CPNE8: variants seen among roughly 807,000 people sequenced by gnomAD.
The protein encoded by CPNE8 is copine-8.
A neutral mutation model predicts 81.5 loss-of-function variants in CPNE8; 45 were observed. The ratio of observed to expected loss-of-function variants is 0.55; its 90% CI spans 0.44 to 0.71. CPNE8 has a LOEUF of 0.71. Ranked by LOEUF, CPNE8 falls within the 30% of genes least tolerant of loss-of-function variation. The pLI, the probability that CPNE8 is intolerant of heterozygous loss-of-function variation, is 0.00. For missense variants in CPNE8, 594 were observed against 672.1 expected, an observed-to-expected ratio of 0.88 and a Z score of 1.28; for synonymous variants, 252 against 226.3, an observed-to-expected ratio of 1.11 and a Z score of -1.02.
At chr12:38,880,878 G>A (rs963823761) in intron 1 of CPNE8, among the ~76,000 whole-genome samples, 6 of 151,896 alleles carry the variant, frequency 4.0e-5, no homozygotes, top group African/African-American at 1.5e-4. Context: ...TATAGCAAGG[G>A]GAGCCAAACT....
intron 16 of CPNE8, chr12:38,679,694 T>G: frequency 1.0e-6 from 1 of 985,074 alleles, no homozygotes; most frequent in Non-Finnish European, 1.2e-6. Context: ...GTTGGCACAT[T>G]GTTGCACTTT....
At chr12:38,712,714 A>G (rs528681255) in intron 13 of CPNE8, among the ~76,000 whole-genome samples, 1 of 152,180 alleles carries the variant, frequency 6.6e-6, no homozygotes, top group Non-Finnish European at 1.5e-5. Flanking sequence ...TAGCTCTTTA[A>G]AAATTTTTTT....
At chr12:38,714,943 A>T (rs1940349576) in intron 13 of CPNE8, among the ~76,000 whole-genome samples, 1 of 152,120 alleles carries the variant, frequency 6.6e-6, no homozygotes, top group Non-Finnish European at 1.5e-5. Flanking sequence ...GTTCCTTTGA[A>T]GGAAAAGATA....
At chr12:38,877,855 C>A (rs1221253024) in intron 1 of CPNE8, among the ~76,000 whole-genome samples, 2 of 152,138 alleles carry the variant, frequency 1.3e-5, no homozygotes, top group Non-Finnish European at 2.9e-5. Flanking sequence ...AAGGCTGAGA[C>A]CTGCTAGGCT....
In CPNE8 at chr12:38,686,353, G is replaced by A. The variant is rs370432861; in HGVS notation, c.1144-736C>T. On this transcript the variant is annotated intron_variant, in intron 15 of 19. Coordinates refer to ENST00000331366, the MANE Select transcript of CPNE8 (RefSeq NM_153634.3). ...TTATTCTGGGAACAGCGCCCAGAAA[G>A]GCAACTTTAACCCAAGCTCTTATTC... Among the ~76,000 whole-genome samples the A allele has an allele frequency of 2.0e-5, 3 of 152,160 alleles. No individual in the cohort carries two copies. In the South Asian group the frequency reaches 6.2e-4, roughly 32 times the overall value.
intron 6 of CPNE8, among the ~76,000 whole-genome samples, chr12:38,820,413 AAAAG>A (rs905087026): frequency 4.6e-5 from 7 of 152,136 alleles, no homozygotes; most frequent in African/African-American, 1.7e-4. Context: ...TCAGAAAAAA[AAAAG>A]AAAGAAAGAA....
chr12:38,778,680 G>T (rs1050133969), intron 6 of CPNE8, among the ~76,000 whole-genome samples: 1 of 152,146 alleles, frequency 6.6e-6, no homozygotes. Context: ...ATACTGCAAG[G>T]TTTAGCACTT....
chr12:38,738,716 A>T (rs1046447472), intron 10 of CPNE8, among the ~76,000 whole-genome samples: 1 of 151,478 alleles, frequency 6.6e-6, no homozygotes, highest in African/African-American at 2.4e-5. Context: ...AAAAGTAATA[A>T]CTCCTTATTA....
At chr12:38,670,895 A>C in intron 18 of CPNE8, 93 bp from the exon 19 acceptor site, 1 of 811,870 alleles carries the variant, frequency 1.2e-6, no homozygotes, top group Non-Finnish European at 2.0e-6. Context: ...ATGAAGTAGC[A>C]AAATGTGCTA....
Position 38,670,643 on chromosome 12 carries a change from CTGTTA to C in CPNE8, c.1506+81_1506+85del, listed in dbSNP as rs1282325316. ...AAATAGAAAAGCATCATTAAAAAGT[CTGTTA>C]TATTTCTAGCTTCTAATTTTGTTAA... is the stretch of plus-strand genomic sequence containing the variant. On this transcript the variant is annotated intron_variant, in intron 19 of 19. Coordinates refer to ENST00000331366, the MANE Select transcript of CPNE8 (RefSeq NM_153634.3). 4.7e-6 allele frequency: 4 copies of C among 849,600 alleles called. No homozygotes were observed. In the African/African-American group the frequency reaches 5.2e-5, roughly 11 times the overall value. 52.6% of individuals were successfully genotyped at this position (849,600 alleles called of 1,614,324 possible). A position where few individuals can be genotyped will look rare whatever the true frequency, so the allele number is the denominator to read the frequency against.
intron 10 of CPNE8, among the ~76,000 whole-genome samples, chr12:38,744,404 A>C (rs1941178539): frequency 6.6e-6 from 1 of 152,198 alleles, no homozygotes; most frequent in East Asian, 1.9e-4. Context: ...TTCAAAATCT[A>C]AGTCCATTAT....
intron 10 of CPNE8, among the ~76,000 whole-genome samples, chr12:38,731,206 C>T (rs1940823273): frequency 6.6e-6 from 1 of 151,882 alleles, no homozygotes; most frequent in African/African-American, 2.4e-5. Flanking sequence ...GAAGAATATA[C>T]AGATTGTAGG....
chr12:38,763,249 G>A (rs756951307), intron 8 of CPNE8, among the ~76,000 whole-genome samples: 3 of 152,200 alleles, frequency 2.0e-5, no homozygotes, highest in Non-Finnish European at 4.4e-5. Flanking sequence ...CATTCTGCAA[G>A]AACATTCAGG....
rs150305747 is a variant in CPNE8, at chr12:38,762,871, A to G, written c.576-655T>C. Among the ~76,000 whole-genome samples, 748 of 152,108 alleles carry G rather than the reference A, an allele frequency of 4.9e-3. 5 individuals carry two copies. The highest frequency in any genetic ancestry group is 0.017 in the African/African-American group (696 of 41,506). On this transcript the variant is annotated intron_variant, in intron 8 of 19. Transcript: ENST00000331366. The stretch of plus-strand genomic sequence containing the variant: ...AGCAATGTTTTTGTTTTGTTTGTTT[A>G]TTTGTTTTTGAGACGGAGTCTCTGT...
At chr12:38,707,141 C>A (rs1346370702) in intron 13 of CPNE8, among the ~76,000 whole-genome samples, 1 of 151,976 alleles carries the variant, frequency 6.6e-6, no homozygotes, top group Non-Finnish European at 1.5e-5. Context: ...TACTGAGACC[C>A]AGTCTGTATA....
At chr12:38,655,871 A>G (rs1175957381) in intron 19 of CPNE8, among the ~76,000 whole-genome samples, 4 of 151,986 alleles carry the variant, frequency 2.6e-5, no homozygotes, top group East Asian at 1.9e-4. Flanking sequence ...TTTACACCCT[A>G]TTTCCAGGAG....
chr12:38,770,514 A>C lies in CPNE8; in HGVS notation c.472-2776T>G, dbSNP rs148469405. Among the ~76,000 whole-genome samples, 8 of 152,360 alleles carry C rather than the reference A, an allele frequency of 5.3e-5. No homozygotes were observed. The East Asian group carries it at 1.3e-3, about 26-fold the overall frequency. On this transcript the variant is annotated intron_variant, in intron 7 of 19. Transcript: ENST00000331366. ...TTCTCCATTCAGCAGACAGAATAAAAGTCTTGAAACATGAAAAATTCATGT... is the reference window on the plus strand; with the variant it reads ...TTCTCCATTCAGCAGACAGAATAAACGTCTTGAAACATGAAAAATTCATGT...
intron 3 of CPNE8, among the ~76,000 whole-genome samples, chr12:38,850,422 C>A (rs1943627671): frequency 1.3e-5 from 2 of 152,194 alleles, no homozygotes; most frequent in Admixed American, 6.5e-5. Context: ...CCTTAAAACA[C>A]ACACAAGCCT....
At chr12:38,688,124 G>C (rs1457837693) in intron 15 of CPNE8, among the ~76,000 whole-genome samples, 1 of 152,122 alleles carries the variant, frequency 6.6e-6, no homozygotes, top group African/African-American at 2.4e-5. Context: ...GGGTAGTCCT[G>C]AGCTACTTTT....
Sources: allele counts gnomAD v4.1 joint callset (sites outside exome capture counted in the v4.1 genomes callset), GRCh38; gene constraint gnomAD v4.1.1; transcripts MANE v1.5; gene names NCBI Gene and HGNC (gene_info 2026-07-23, HGNC 2026-07-21).